DIS3L2: variants seen among roughly 807,000 people sequenced by gnomAD.
DIS3L2 encodes the protein DIS3 like 3'-5' exoribonuclease 2.
A neutral mutation model predicts 97.5 loss-of-function variants in DIS3L2; 34 were observed. The observed-to-expected ratio is 0.35, with a 90% CI of 0.27 to 0.46. The LOEUF is 0.46. DIS3L2 is among the 20% of genes least tolerant of loss of function. The pLI, the probability that DIS3L2 is intolerant of heterozygous loss-of-function variation, is 1.00. For synonymous variants in DIS3L2, 435 were observed against 445.2 expected (o/e 0.98, Z 0.29); for missense variants, 1,038 against 1,146.0 (o/e 0.91, Z 1.36).
At chr2:232,061,137 GTTTC>G (rs1289688662) in intron 5 of DIS3L2, among the ~76,000 whole-genome samples, 7 of 152,074 alleles carry the variant, frequency 4.6e-5, no homozygotes, top group Non-Finnish European at 1.0e-4. Context: ...GATACCCTTT[GTTTC>G]TTTCTCTTGT....
chr2:232,264,248 G>A (rs1207773134), intron 13 of DIS3L2, among the ~76,000 whole-genome samples: 3 of 152,230 alleles, frequency 2.0e-5, no homozygotes, highest in Non-Finnish European at 2.9e-5. Flanking sequence ...CCTGCTGTGC[G>A]GCCTGGTTCC....
rs540174488 is a variant in DIS3L2 at position 231,977,060 on chromosome 2, C to T, written c.-94+15295C>T. 9.9e-4 allele frequency among the ~76,000 whole-genome samples: 151 copies of T among 152,276 alleles called. 1 individual carries two copies. The highest frequency in any genetic ancestry group is 1.6e-3 in the Non-Finnish European group (112 of 68,020). On this transcript the variant is annotated intron_variant, in intron 1 of 20. Transcript: ENST00000325385. Reference sequence around the variant, plus strand: ...GATTACGGGTGTGAGCCACCGCGCCCGGCCACACAAAGTCTTTTTTATAAT... The same window carrying T: ...GATTACGGGTGTGAGCCACCGCGCCTGGCCACACAAAGTCTTTTTTATAAT...
intron 6 of DIS3L2, among the ~76,000 whole-genome samples, chr2:232,107,135 C>T (rs747774527): frequency 1.3e-5 from 2 of 152,026 alleles, no homozygotes; most frequent in African/African-American, 2.4e-5. Context: ...TAGCAATAAA[C>T]GCCCACATCA....
At chr2:232,009,744 G>A (rs1003889745) in intron 1 of DIS3L2, among the ~76,000 whole-genome samples, 2 of 152,166 alleles carry the variant, frequency 1.3e-5, no homozygotes, top group Non-Finnish European at 2.9e-5. Context: ...TCTTGTGCAT[G>A]TGGACAGTCT....
At chr2:232,204,286 A>C (rs1186642715) in intron 9 of DIS3L2, among the ~76,000 whole-genome samples, 1 of 152,218 alleles carries the variant, frequency 6.6e-6, no homozygotes, top group African/African-American at 2.4e-5. Flanking sequence ...GGTCAGAGGA[A>C]GAGTGTAAGT....
intron 13 of DIS3L2, among the ~76,000 whole-genome samples, 197 bp downstream of exon 13, chr2:232,263,637 C>G (rs1359022904): frequency 1.3e-5 from 2 of 152,154 alleles, no homozygotes; most frequent in African/African-American, 4.8e-5. Flanking sequence ...GCAAAATATT[C>G]TGTATTTTGT....
At chr2:232,222,399 T>C (rs1692529920) in intron 10 of DIS3L2, among the ~76,000 whole-genome samples, 2 of 152,248 alleles carry the variant, frequency 1.3e-5, no homozygotes, top group Non-Finnish European at 2.9e-5. Flanking sequence ...GGAAGAGAAA[T>C]GGGAAATTCT....
intron 7 of DIS3L2, among the ~76,000 whole-genome samples, chr2:232,135,631 T>C (rs1698334592): frequency 6.6e-6 from 1 of 151,996 alleles, no homozygotes; most frequent in Non-Finnish European, 1.5e-5. Context: ...TCCTGTGGGG[T>C]AGTAGCTGGG....
In DIS3L2 at chr2:232,130,653, T is replaced by C; in HGVS notation, c.636T>C (p.Asp212=). 1 of 1,613,402 alleles carries C rather than the reference T, an allele frequency of 6.2e-7. No individual in the cohort carries two copies. ...ATGGTGATGCACCGGTTACAAAAGATGAGACCACCTGCATTTCACAAGACA... is the reference window on the plus strand; with the variant it reads ...ATGGTGATGCACCGGTTACAAAAGACGAGACCACCTGCATTTCACAAGACA... ...REDGDAPVTK[D]ETTCISQDTR... The change falls in exon 7 of 21, where the codon GAT becomes GAC. Residue 212 remains aspartate (D), a synonymous_variant. Coordinates refer to ENST00000325385, the MANE Select transcript of DIS3L2 (RefSeq NM_152383.5).
intron 13 of DIS3L2, among the ~76,000 whole-genome samples, chr2:232,274,838 C>T (rs1022979401): frequency 2.0e-5 from 3 of 152,172 alleles, no homozygotes; most frequent in African/African-American, 4.8e-5. Flanking sequence ...AAAACAAAGA[C>T]GACATAATTT....
chr2:232,272,776 A>T (rs1694039344), intron 13 of DIS3L2, among the ~76,000 whole-genome samples: 1 of 152,214 alleles, frequency 6.6e-6, no homozygotes, highest in Admixed American at 6.5e-5. Flanking sequence ...ATCAGACTGG[A>T]ACTGGGGATG....
chr2:231,982,084 C>G (rs1157900285), intron 1 of DIS3L2, among the ~76,000 whole-genome samples: 2 of 148,442 alleles, frequency 1.3e-5, no homozygotes, highest in Middle Eastern at 3.4e-3. Context: ...TTGTCATATT[C>G]TTTTTTGGAC....
intron 16 of DIS3L2, 83 bp from the exon 17 acceptor site, chr2:232,333,757 G>GGTA: frequency 1.9e-5 from 27 of 1,393,466 alleles, no homozygotes; most frequent in Admixed American, 7.9e-5. Context: ...GCTGCCGACG[G>GGTA]TGAGGCTGTG....
chr2:232,256,034 C>A (rs1693553854), intron 12 of DIS3L2, among the ~76,000 whole-genome samples: 2 of 152,258 alleles, frequency 1.3e-5, no homozygotes, highest in Admixed American at 1.3e-4. Context: ...GCAGCCTCTG[C>A]TCTTGCCCCA....
rs1267672140 is a variant in DIS3L2, at chr2:232,212,330, G to A, written c.1204+1925G>A. On this transcript the variant is annotated intron_variant, in intron 10 of 20. Transcript: ENST00000325385. ...CTAGGTTCACACCTCTACTGTTTGT[G>A]TAATGCTTAGACACAATTGCTTCAT... is the stretch of plus-strand genomic sequence containing the variant. Among the ~76,000 whole-genome samples the A allele has an allele frequency of 2.0e-5, 3 of 152,322 alleles. No homozygotes were observed. The East Asian group carries it at 5.8e-4, about 29-fold the overall frequency.
At chr2:232,104,427 G>T (rs1446652337) in intron 6 of DIS3L2, among the ~76,000 whole-genome samples, 1 of 151,858 alleles carries the variant, frequency 6.6e-6, no homozygotes, top group South Asian at 2.1e-4. Context: ...TTTTATTGTG[G>T]TAAAAAAAAA....
At chr2:232,264,473 T>A (rs1319076728) in intron 13 of DIS3L2, among the ~76,000 whole-genome samples, 1 of 152,254 alleles carries the variant, frequency 6.6e-6, no homozygotes, top group Non-Finnish European at 1.5e-5. Flanking sequence ...CAGGATTTCT[T>A]TTTTCATTGC....
chr2:232,116,680 G>A (rs556799458), intron 6 of DIS3L2, among the ~76,000 whole-genome samples: 1 of 152,280 alleles, frequency 6.6e-6, no homozygotes, highest in East Asian at 1.9e-4. Context: ...AAACTGGGTC[G>A]TGTGGCTCTG....
Position 232,037,004 on chromosome 2 carries a change from G to C in DIS3L2, c.366+6924G>C, listed in dbSNP as rs1221792947. On this transcript the variant is annotated intron_variant, in intron 5 of 20. Coordinates refer to ENST00000325385, the MANE Select transcript of DIS3L2 (RefSeq NM_152383.5). This position sits in a 1 kb window ranked among gnomAD's most constrained non-coding sequence, Gnocchi z 4.6. The stretch of plus-strand genomic sequence containing the variant: ...CCCTGTCAGGAGGCACAGGGGTCAG[G>C]GACCCACTTGAGGAGGCAATCTGAG... 6.6e-6 allele frequency among the ~76,000 whole-genome samples: 1 copy of C among 152,220 alleles called. No individual in the cohort carries two copies. The highest frequency in any genetic ancestry group is 1.5e-5 in the Non-Finnish European group (1 of 68,040).
Sources: gnomAD v4.1 joint callset for allele counts (sites outside exome capture counted in the v4.1 genomes callset) on GRCh38, gnomAD v4.1.1 for gene constraint, Gnocchi (gnomAD v3.1) non-coding constraint, MANE v1.5 for transcripts, NCBI Gene and HGNC (gene_info 2026-07-23, HGNC 2026-07-21) for gene names.